Variants in PPFIBP2 observed in about 807,000 individuals in gnomAD.
PPFIBP2 encodes liprin-beta-2.
PPFIBP2 carries 118 observed loss-of-function variants against 118.3 expected under a neutral mutation model. The ratio of observed to expected loss-of-function variants is 1.00; its 90% CI spans 0.86 to 1.16. The LOEUF is 1.16. PPFIBP2 is among the 50% of genes most tolerant of loss of function. The pLI, the probability that PPFIBP2 is intolerant of heterozygous loss-of-function variation, is 0.00. For missense variants in PPFIBP2, 1,195 were observed against 1,073.1 expected, an observed-to-expected ratio of 1.11 and a Z score of -1.59; for synonymous variants, 414 against 397.4, an observed-to-expected ratio of 1.04 and a Z score of -0.50.
intron 6 of PPFIBP2, among the ~76,000 whole-genome samples, chr11:7,617,502 C>A (rs576465042): frequency 6.6e-6 from 1 of 152,074 alleles, no homozygotes; most frequent in Non-Finnish European, 1.5e-5. Flanking sequence ...GCAGGTGAGG[C>A]CAACCCTCAA....
At chr11:7,554,342 T>C (rs1176210001) in intron 2 of PPFIBP2, among the ~76,000 whole-genome samples, 2 of 152,234 alleles carry the variant, frequency 1.3e-5, no homozygotes, top group Non-Finnish European at 2.9e-5. Context: ...CAGTGATCAC[T>C]AGTAATCATA....
chr11:7,540,226 C>T (rs1439783856), intron 1 of PPFIBP2, among the ~76,000 whole-genome samples: 1 of 149,828 alleles, frequency 6.7e-6, no homozygotes, highest in Non-Finnish European at 1.5e-5. Flanking sequence ...ACCCTCCTGG[C>T]AGCAGTGTGG....
At chr11:7,642,926 C>T (rs113288102) in intron 17 of PPFIBP2, among the ~76,000 whole-genome samples, 13 of 152,206 alleles carry the variant, frequency 8.5e-5, no homozygotes, top group Admixed American at 4.6e-4. Flanking sequence ...TACTGCACTT[C>T]CCTGGCTTGC....
chr11:7,650,372 C>G (rs1853800051), intron 21 of PPFIBP2, among the ~76,000 whole-genome samples: 1 of 152,202 alleles, frequency 6.6e-6, no homozygotes, highest in Non-Finnish European at 1.5e-5. Flanking sequence ...ATATGTCAGG[C>G]ACAGCGCTGT....
rs75291134 is a variant in PPFIBP2, at chr11:7,593,755, G to C, written c.372+531G>C. On this transcript the variant is annotated intron_variant, in intron 4 of 23. Coordinates refer to ENST00000299492, the MANE Select transcript of PPFIBP2 (RefSeq NM_003621.5). ...TAGCTGTCTTGCTTGAAAGAGAGGAGCTCCAAAACCTTTTACGGAGAAAGA... is the reference window on the plus strand; with the variant it reads ...TAGCTGTCTTGCTTGAAAGAGAGGACCTCCAAAACCTTTTACGGAGAAAGA... Among the ~76,000 whole-genome samples the C allele has an allele frequency of 1.6e-4, 24 of 152,286 alleles. No homozygotes were observed. The East Asian group carries it at 4.6e-3, about 29-fold the overall frequency.
At chr11:7,606,048 C>T in intron 5 of PPFIBP2, 1 of 1,527,612 alleles carries the variant, frequency 6.5e-7, no homozygotes, top group East Asian at 2.5e-5. Context: ...AAGTCAAAAG[C>T]CTGAAGGAAG....
At chr11:7,666,005 A>G in the PPFIBP2 span, 1 of 1,192,766 alleles carries the variant, frequency 8.4e-7, no homozygotes, top group Non-Finnish European at 1.2e-6. Flanking sequence ...CTCTGTGCAC[A>G]GTGGTTGCTG....
rs755779633 is a variant in PPFIBP2 at position 7,649,534 on chromosome 11, C to T, written c.2001C>T (p.Asn667=). ...DRRMLQYLTV[N]DLLFLKVTSQ... ...TAAACCAAACTTTCCTCTTTCAGAA[C>T]GATTTACTCTTCTTAAAAGTCACCA... Residue 667 remains asparagine, a splice_region_variant and synonymous_variant, in exon 21 of 24, where the codon AAC becomes AAT. Transcript: ENST00000299492. The T allele has an allele frequency of 1.3e-5, 21 of 1,614,090 alleles. No individual in the cohort carries two copies. Among genetic ancestry groups the T allele is most frequent in the Non-Finnish European group, 1.5e-5 (18 of 1,180,010 alleles).
intron 8 of PPFIBP2, among the ~76,000 whole-genome samples, chr11:7,627,998 T>A (rs1409795460): frequency 1.3e-5 from 2 of 152,184 alleles, no homozygotes; most frequent in African/African-American, 2.4e-5. Context: ...AGATGTTGGT[T>A]TTGAAAGATT....
rs72849038 is a variant in PPFIBP2 at position 7,549,455 on chromosome 11, G to T, written c.-21G>T. ...GAATTTTCAGTAAGAAGAGGAGGAG[G>T]CCAGGCAGGCAAAAGGAGTCATGGC... is the stretch of plus-strand genomic sequence containing the variant. On this transcript the variant is annotated 5_prime_UTR_variant, in exon 2 of 24. Coordinates refer to ENST00000299492, the MANE Select transcript of PPFIBP2 (RefSeq NM_003621.5). The T allele has an allele frequency of 2.6e-6, 4 of 1,554,944 alleles. No individual in the cohort carries two copies. The highest frequency in any genetic ancestry group is 1.7e-6 in the Non-Finnish European group (2 of 1,148,814).
intron 2 of PPFIBP2, among the ~76,000 whole-genome samples, chr11:7,559,029 C>T (rs189865510): frequency 4.6e-5 from 7 of 152,122 alleles, no homozygotes; most frequent in Admixed American, 3.3e-4. Flanking sequence ...AAATTAGAAT[C>T]CCTGGAGGAG....
In PPFIBP2 at chr11:7,610,428, G is replaced by C. The variant is rs754075179; in HGVS notation, c.618+6G>C. 6.2e-6 allele frequency: 10 copies of C among 1,612,980 alleles called. No individual in the cohort carries two copies. In the South Asian group the frequency reaches 1.1e-4, roughly 18 times the overall value. On this transcript the variant is annotated splice_donor_region_variant and intron_variant, in intron 6 of 23. Coordinates refer to ENST00000299492, the MANE Select transcript of PPFIBP2 (RefSeq NM_003621.5). ...AGAAGCAGAGAAAAGCAGAGGTAAG[G>C]GTGAGTGTGTACTGTCCTAAGCTCA...
intron 2 of PPFIBP2, among the ~76,000 whole-genome samples, chr11:7,560,601 TTC>T (rs1341500698): frequency 2.6e-5 from 4 of 152,240 alleles, no homozygotes; most frequent in Non-Finnish European, 5.9e-5. Flanking sequence ...GCTGAGATTA[TTC>T]TTATATATTA....
chr11:7,652,459 G>C (rs1455250989), intron 23 of PPFIBP2, among the ~76,000 whole-genome samples: 1 of 152,198 alleles, frequency 6.6e-6, no homozygotes, highest in African/African-American at 2.4e-5. Flanking sequence ...GGCCAGGCTG[G>C]TCCTATCCCT....
intron 2 of PPFIBP2, among the ~76,000 whole-genome samples, chr11:7,549,806 T>C (rs1198747604): frequency 6.6e-6 from 1 of 152,200 alleles, no homozygotes; most frequent in Non-Finnish European, 1.5e-5. Context: ...GGATTCTGGC[T>C]GTGAGGCAGT....
At chr11:7,586,245 G>A (rs962176227) in intron 3 of PPFIBP2, among the ~76,000 whole-genome samples, 3 of 152,182 alleles carry the variant, frequency 2.0e-5, no homozygotes, top group Non-Finnish European at 4.4e-5. Context: ...TAGGCATCCT[G>A]ATCAGAAATA....
At chr11:7,657,412 C>A (rs968690284), downstream of PPFIBP2, among the ~76,000 whole-genome samples, 1 of 152,110 alleles carries the variant, frequency 6.6e-6, no homozygotes, top group Admixed American at 6.6e-5. Flanking sequence ...TGTGCGACTC[C>A]CAGCTTGGAG....
At chr11:7,531,674 G>A (rs1412629742) in intron 1 of PPFIBP2, among the ~76,000 whole-genome samples, 1 of 152,058 alleles carries the variant, frequency 6.6e-6, no homozygotes, top group East Asian at 1.9e-4. Flanking sequence ...TCAAATGGGG[G>A]TGTGTGTTAG....
chr11:7,620,835 T>C, intron 6 of PPFIBP2, 100 bp from the exon 7 acceptor site: 2 of 794,570 alleles, frequency 2.5e-6, no homozygotes, highest in Non-Finnish European at 4.5e-6. Flanking sequence ...TGGAGCTTGA[T>C]GTGGTTGCTG....
Sources: allele counts gnomAD v4.1 joint callset (sites outside exome capture counted in the v4.1 genomes callset), GRCh38; gene constraint gnomAD v4.1.1; transcripts MANE v1.5; gene names NCBI Gene and HGNC (gene_info 2026-07-23, HGNC 2026-07-21).